Variants in SCFD2 observed in about 807,000 individuals in gnomAD.
The protein encoded by SCFD2 is sec1 family domain-containing protein 2.
A neutral mutation model predicts 58.9 loss-of-function variants in SCFD2; 54 were observed. The ratio of observed to expected loss-of-function variants is 0.92; its 90% CI spans 0.74 to 1.15. The LOEUF is 1.15. Ranked by LOEUF, SCFD2 falls within the 50% of genes most tolerant of loss-of-function variation. The pLI, the probability that SCFD2 is intolerant of heterozygous loss-of-function variation, is 0.00. For missense variants in SCFD2, 805 were observed against 836.6 expected, an observed-to-expected ratio of 0.96 and a Z score of 0.47; for synonymous variants, 321 against 335.9, an observed-to-expected ratio of 0.96 and a Z score of 0.49.
intron 4 of SCFD2, among the ~76,000 whole-genome samples, chr4:53,257,362 A>G (rs1730677632): frequency 6.6e-6 from 1 of 152,156 alleles, no homozygotes; most frequent in African/African-American, 2.4e-5. Context: ...GCTGTCACAC[A>G]ATAAAGGCAG....
chr4:52,984,027 T>C (rs1322096358), intron 5 of SCFD2, among the ~76,000 whole-genome samples: 1 of 152,176 alleles, frequency 6.6e-6, no homozygotes, highest in African/African-American at 2.4e-5. Flanking sequence ...ATAGGGTTAT[T>C]AGTTTACCAC....
At chr4:53,314,869 A>G (rs1284681903) in intron 2 of SCFD2, among the ~76,000 whole-genome samples, 1 of 152,302 alleles carries the variant, frequency 6.6e-6, no homozygotes, top group South Asian at 2.1e-4. Flanking sequence ...TTACTGCTCA[A>G]CATACTCCAC....
intron 4 of SCFD2, among the ~76,000 whole-genome samples, chr4:53,150,074 A>C (rs6818457): frequency 0.068 from 10,384 of 152,252 alleles, 382 homozygotes; most frequent in Middle Eastern, 0.14. Flanking sequence ...TGATAAATGC[A>C]CCACAGTAGT....
chr4:52,992,586 G>A (rs550060506), intron 5 of SCFD2, among the ~76,000 whole-genome samples: 9 of 151,472 alleles, frequency 5.9e-5, no homozygotes, highest in South Asian at 2.1e-4. Flanking sequence ...AGTGAGGAGC[G>A]TCTCTGCCCG....
chr4:52,971,890 C>T (rs994780641), intron 5 of SCFD2, among the ~76,000 whole-genome samples: 14 of 152,112 alleles, frequency 9.2e-5, no homozygotes, highest in African/African-American at 3.4e-4. Flanking sequence ...GAATTTTCAA[C>T]CCAGAATTTC....
At chr4:53,066,559 T>C (rs1399715898) in intron 5 of SCFD2, among the ~76,000 whole-genome samples, 1 of 152,096 alleles carries the variant, frequency 6.6e-6, no homozygotes, top group Non-Finnish European at 1.5e-5. Flanking sequence ...CAGCAGAACA[T>C]TCACTTGCAC....
intron 5 of SCFD2, among the ~76,000 whole-genome samples, chr4:53,082,603 A>C (rs1724180690): frequency 6.6e-6 from 1 of 152,114 alleles, no homozygotes; most frequent in Admixed American, 6.6e-5. Context: ...TTTGCAGAAA[A>C]GATTCACATT....
intron 4 of SCFD2, among the ~76,000 whole-genome samples, chr4:53,186,287 C>T (rs1004065564): frequency 1.3e-5 from 2 of 151,988 alleles, no homozygotes; most frequent in African/African-American, 4.8e-5. Context: ...CCCCTTTTCC[C>T]ACTATATTAT....
chr4:52,991,363 T>G (rs1031967694), intron 5 of SCFD2, among the ~76,000 whole-genome samples: 2 of 152,336 alleles, frequency 1.3e-5, no homozygotes, highest in East Asian at 1.9e-4. Flanking sequence ...AAAGGTACAC[T>G]GTAGAGTCAC....
intron 5 of SCFD2, among the ~76,000 whole-genome samples, chr4:53,087,785 C>T (rs1577716815): frequency 6.6e-6 from 1 of 151,784 alleles, no homozygotes; most frequent in Admixed American, 6.6e-5. Flanking sequence ...CTCAGCCTCC[C>T]GAGTAGCTGG....
At chr4:53,154,180 T>C (rs1726594396) in intron 4 of SCFD2, among the ~76,000 whole-genome samples, 1 of 152,178 alleles carries the variant, frequency 6.6e-6, no homozygotes, top group South Asian at 2.1e-4. Flanking sequence ...TTTGTTTGCA[T>C]TGCTATAAAG....
chr4:53,035,633 AAAAC>A (rs1429076018), intron 5 of SCFD2, among the ~76,000 whole-genome samples: 1 of 152,200 alleles, frequency 6.6e-6, no homozygotes, highest in Admixed American at 6.5e-5. Flanking sequence ...TTACAACAAA[AAAAC>A]AAACAACCCC....
chr4:53,240,142 A>G (rs1729849191), intron 4 of SCFD2, among the ~76,000 whole-genome samples: 1 of 152,226 alleles, frequency 6.6e-6, no homozygotes, highest in Non-Finnish European at 1.5e-5. Flanking sequence ...TTTTTGCTCC[A>G]GTGGTTTTGC....
At chr4:53,162,860 T>A (rs1726895562) in intron 4 of SCFD2, among the ~76,000 whole-genome samples, 1 of 150,940 alleles carries the variant, frequency 6.6e-6, no homozygotes. Context: ...AATAATAAAA[T>A]AAAATAAAAT....
intron 5 of SCFD2, chr4:52,956,197 C>A: frequency 2.2e-6 from 1 of 456,756 alleles, no homozygotes; most frequent in Non-Finnish European, 4.4e-6. Flanking sequence ...ATCCCTGGAG[C>A]AGCAGCCATC....
intron 5 of SCFD2, among the ~76,000 whole-genome samples, chr4:52,951,438 A>ATCT (rs1278723260): frequency 6.6e-6 from 1 of 152,064 alleles, no homozygotes; most frequent in Non-Finnish European, 1.5e-5. Flanking sequence ...AGACTGGGAA[A>ATCT]TCTTTGAAAA....
chr4:53,045,205 G>A (rs10213106), intron 5 of SCFD2, among the ~76,000 whole-genome samples: 1 of 152,082 alleles, frequency 6.6e-6, no homozygotes, highest in African/African-American at 2.4e-5. Flanking sequence ...TCCTTTGTAC[G>A]AGGTTTTACT....
intron 6 of SCFD2, among the ~76,000 whole-genome samples, chr4:52,918,787 T>C (rs1036494990): frequency 6.6e-6 from 1 of 152,220 alleles, no homozygotes; most frequent in Non-Finnish European, 1.5e-5. Flanking sequence ...CTGTTTCAGT[T>C]GAGCTCCCCA....
intron 4 of SCFD2, among the ~76,000 whole-genome samples, chr4:53,212,240 G>A (rs970185702): frequency 1.3e-5 from 2 of 151,764 alleles, no homozygotes; most frequent in Admixed American, 6.6e-5. Context: ...CCCCAAAGTC[G>A]GTAAAGTTAA....
Sources: gnomAD v4.1 joint callset for allele counts (sites outside exome capture counted in the v4.1 genomes callset) on GRCh38, gnomAD v4.1.1 for gene constraint, MANE v1.5 for transcripts, NCBI Gene and HGNC (gene_info 2026-07-23, HGNC 2026-07-21) for gene names.